RYR1: variants seen among roughly 807,000 people sequenced by gnomAD.
RYR1 encodes the protein ryanodine receptor 1.
Under a neutral mutation model 583.5 loss-of-function variants are expected in RYR1, and 342 were observed. The observed-to-expected ratio is 0.59, with a 90% CI of 0.54 to 0.64. RYR1 has a LOEUF of 0.64. Ranked by LOEUF, RYR1 falls within the 30% of genes least tolerant of loss-of-function variation. The probability of loss-of-function intolerance (pLI) is 0.00; values close to 1 mark genes in which losing one functional copy is unlikely to be tolerated. For synonymous variants in RYR1, 2,791 were observed against 2,822.5 expected (o/e 0.99, Z 0.35); for missense variants, 6,032 against 6,917.2 (o/e 0.87, Z 4.54).
At position 38,561,040 on chromosome 19, in the gene RYR1, TAAAA is replaced by T. The variant is rs550360145; in HGVS notation, c.12283-59_12283-56del. 605 of 1,158,870 alleles carry T rather than the reference TAAAA, an allele frequency of 5.2e-4. No individual in the cohort carries two copies. The highest frequency in any genetic ancestry group is 6.0e-4 in the Non-Finnish European group (499 of 830,202). The allele number at this position is 1,158,870 out of a possible 1,614,324, so 71.8% of individuals were successfully genotyped here. ...TGGGCGACACAGCGAGACCTTGTCT[TAAAA>T]AAAAAAAAAAAAAGAGAGAGAATTG... On this transcript the variant is annotated intron_variant, in intron 89 of 105. Transcript: ENST00000359596. This position sits in a 1 kb window ranked among gnomAD's most constrained non-coding sequence, Gnocchi z 4.8.
Position 38,500,588 on chromosome 19 carries a change from C to G in RYR1, c.7324-18C>G, listed in dbSNP as rs1400248027. 5 of 1,611,912 alleles carry G rather than the reference C, an allele frequency of 3.1e-6. No homozygotes were observed. The highest frequency in any genetic ancestry group is 4.2e-6 in the Non-Finnish European group (5 of 1,179,900). On this transcript the variant is annotated intron_variant, in intron 45 of 105. Coordinates refer to ENST00000359596, the MANE Select transcript of RYR1 (RefSeq NM_000540.3). This position sits in a 1 kb window ranked among gnomAD's most constrained non-coding sequence, Gnocchi z 5.9. ...CCAGCGCCTGATGAGTGCCCCTCTC[C>G]CTCCCTCTACTCCCCAGCTAATCCA...
Position 38,467,763 on chromosome 19 carries a change from A to G in RYR1, c.3332A>G (p.Asp1111Gly). 1.9e-6 allele frequency: 3 copies of G among 1,614,134 alleles called. No individual in the cohort carries two copies. The highest frequency in any genetic ancestry group is 2.5e-6 in the Non-Finnish European group (3 of 1,180,028). Residue 1111 changes from aspartate (D) to glycine (G), a missense_variant, in exon 25 of 106, where the codon GAT becomes GGT. By Grantham distance (94) the Asp-to-Gly change is moderately conservative. Coordinates refer to ENST00000359596, the MANE Select transcript of RYR1 (RefSeq NM_000540.3). ...TGGGCGAGGCCCGAGCTGAGGCCTG[A>G]TGTAGAGCTGGGAGCTGACGAGCTG... The part of the protein sequence containing the change: ...VGWARPELRP[D>G]VELGADELAY...
At chr19:38,445,211 A>G (rs1252830518) in intron 7 of RYR1, among the ~76,000 whole-genome samples, 1 of 124,666 alleles carries the variant, frequency 8.0e-6, no homozygotes, top group Non-Finnish European at 1.6e-5. Context: ...TGACAGAGCC[A>G]GACTCTGCCT....
At position 38,452,837 on chromosome 19, in the gene RYR1, C is replaced by T. The variant is rs751745179; in HGVS notation, c.1263C>T (p.Ser421=). The T allele has an allele frequency of 1.3e-6, 2 of 1,597,706 alleles. No homozygotes were observed. Among genetic ancestry groups the T allele is most frequent in the Middle Eastern group, 1.7e-4 (1 of 5,732 alleles). The change falls in exon 13 of 106, where the codon AGC becomes AGT. Residue 421 remains serine, a synonymous_variant. Transcript: ENST00000359596. ...CCTGTAGGAGCCTGGACAGCTTCAG[C>T]GGGAAGCCACGGGGCTCGGGGCCAC... ...NQFIKSLDSF[S]GKPRGSGPPA... is the part of the protein sequence containing the mutation.
chr19:38,438,575 G>T (rs1600623697), intron 1 of RYR1, among the ~76,000 whole-genome samples: 1 of 142,928 alleles, frequency 7.0e-6, no homozygotes, highest in South Asian at 2.2e-4. Flanking sequence ...TTTAACTTTT[G>T]TAGAGATGGG....
chr19:38,465,466 C>T (rs1968043992), intron 23 of RYR1, among the ~76,000 whole-genome samples: 1 of 149,978 alleles, frequency 6.7e-6, no homozygotes, highest in Non-Finnish European at 1.5e-5. Flanking sequence ...AGAAAACAAC[C>T]TCAAAAAAAC....
chr19:38,548,247 G>A lies in RYR1; in HGVS notation c.12109G>A (p.Gly4037Ser), dbSNP rs1432238846. 1.9e-6 allele frequency: 3 copies of A among 1,614,174 alleles called. No homozygotes were observed. Among genetic ancestry groups the A allele is most frequent in the East Asian group, 2.2e-5 (1 of 44,886 alleles). Residue 4037 changes from glycine (G) to serine (S), a missense_variant, in exon 89 of 106, where the codon GGC becomes AGC. By Grantham distance (56) the Gly-to-Ser change is moderately conservative. Around this residue, in one of 11 missense-constraint regions of RYR1, gnomAD observed 82 missense variants for 139.7 expected, o/e 0.59. Transcript: ENST00000359596. Reference sequence around the variant, plus strand: ...GCTGCCTGCAGGGAACGTGGTGAACGGCATGATCGCCCGGCAGATGGTGGA... The same window carrying A: ...GCTGCCTGCAGGGAACGTGGTGAACAGCATGATCGCCCGGCAGATGGTGGA... ...LSLLEGNVVN[G>S]MIARQMVDML...
intron 28 of RYR1, among the ~76,000 whole-genome samples, chr19:38,474,258 C>CT (rs1400897267): frequency 6.6e-6 from 1 of 151,748 alleles, no homozygotes; most frequent in East Asian, 1.9e-4. Context: ...CAGTGGTTTC[C>CT]TTTTTTTCTT....
Position 38,496,672 on chromosome 19 carries a change from T to G in RYR1, c.6796+131T>G. 2 of 1,259,174 alleles carry G rather than the reference T, an allele frequency of 1.6e-6. No homozygotes were observed. The highest frequency in any genetic ancestry group is 2.3e-6 in the Non-Finnish European group (2 of 871,476). The allele number at this position is 1,259,174 out of a possible 1,614,324, so 78.0% of individuals were successfully genotyped here. A position where few individuals can be genotyped will look rare whatever the true frequency, so the allele number is the denominator to read the frequency against. The stretch of plus-strand genomic sequence containing the variant: ...CTCAACTGTGGTTCTGGCCCTGTAA[T>G]GAGTAATGCTGGGGACACAATAGTG... On this transcript the variant is annotated intron_variant, in intron 41 of 105. Transcript: ENST00000359596. The surrounding 1 kb of genome is among the most constrained non-coding windows in gnomAD (Gnocchi z 4.8).
chr19:38,485,710 C>T lies in RYR1; in HGVS notation c.5055C>T (p.Cys1685=), dbSNP rs761393058. ...LGNNRVAHAL[C]SHVDQAQLLH... is the part of the protein sequence containing the mutation. ...ACAATCGCGTGGCGCACGCTCTGTG[C>T]AGCCACGTAGACCAAGCTCAGCTGC... is the stretch of plus-strand genomic sequence containing the variant. The change falls in exon 34 of 106, where the codon TGC becomes TGT. Residue 1685 remains cysteine (C), a synonymous_variant. Transcript: ENST00000359596. 4 of 1,611,950 alleles carry T rather than the reference C, an allele frequency of 2.5e-6. No individual in the cohort carries two copies. The highest frequency in any genetic ancestry group is 3.4e-6 in the Non-Finnish European group (4 of 1,179,888).
At chr19:38,461,721 GA>G (rs34209906) in intron 20 of RYR1, among the ~76,000 whole-genome samples, 1,614 of 75,060 alleles carry the variant, frequency 0.022, 48 homozygotes, top group African/African-American at 0.077. Flanking sequence ...GCAAAACCCT[GA>G]AAAAAAAAAA....
chr19:38,467,411 G>T (rs935605931), intron 24 of RYR1, among the ~76,000 whole-genome samples, 199 bp from the exon 25 acceptor site: 1 of 152,074 alleles, frequency 6.6e-6, no homozygotes, highest in Non-Finnish European at 1.5e-5. Context: ...AGAGATGGGG[G>T]TCTCTCTCAA....
chr19:38,481,995 G>C (rs563158467), intron 31 of RYR1, among the ~76,000 whole-genome samples: 20 of 152,238 alleles, frequency 1.3e-4, no homozygotes, highest in Non-Finnish European at 2.4e-4. Flanking sequence ...GGCTGAGACA[G>C]GAGAATCGCT....
intron 73 of RYR1, 22 bp from the exon 74 acceptor site, chr19:38,528,284 T>C (rs1971569182): frequency 5.0e-6 from 8 of 1,595,438 alleles, no homozygotes; most frequent in Non-Finnish European, 6.9e-6. Flanking sequence ...GGGATGTGAC[T>C]GTCCTGCTAT....
intron 102 of RYR1, among the ~76,000 whole-genome samples, chr19:38,585,388 G>A (rs1364722519): frequency 2.9e-5 from 4 of 139,390 alleles, no homozygotes; most frequent in African/African-American, 1.1e-4. Context: ...ATATATATAT[G>A]TTTATTTATA....
At chr19:38,567,420 G>A (rs1973495196) in intron 92 of RYR1, among the ~76,000 whole-genome samples, 1 of 152,134 alleles carries the variant, frequency 6.6e-6, no homozygotes, top group African/African-American at 2.4e-5. Context: ...TGGAACACAG[G>A]CCCCCATGCC....
rs777478644 is a variant in RYR1, at chr19:38,532,675, G to A, written c.11198G>A (p.Cys3733Tyr). 1.3e-5 allele frequency: 21 copies of A among 1,614,114 alleles called. No individual in the cohort carries two copies. Among genetic ancestry groups the A allele is most frequent in the Middle Eastern group, 1.6e-4 (1 of 6,062 alleles). Residue 3733 changes from cysteine (C) to tyrosine (Y), a missense_variant, in exon 78 of 106, where the codon TGC becomes TAC. By Grantham distance (194) the Cys-to-Tyr change is radical. Around this residue, in one of 11 missense-constraint regions of RYR1, gnomAD observed 1,493 missense variants for 1,715.5 expected, o/e 0.87. Transcript: ENST00000359596. ...MAYADIMAKS[C>Y]HLEEGGENGE... ...TAACTGATGCCCCCTCCCCAGAGCT[G>A]CCACCTGGAGGAGGGAGGGGAGAAC...
intron 64 of RYR1, among the ~76,000 whole-genome samples, chr19:38,515,609 C>T (rs1243094534): frequency 6.6e-6 from 1 of 152,034 alleles, no homozygotes; most frequent in Non-Finnish European, 1.5e-5. Flanking sequence ...GCCTGGGCAA[C>T]ATAGTGAGAC....
At chr19:38,471,646 AT>A (rs1214348952) in intron 27 of RYR1, among the ~76,000 whole-genome samples, 1 of 152,074 alleles carries the variant, frequency 6.6e-6, no homozygotes, top group Non-Finnish European at 1.5e-5. Flanking sequence ...CATGCCTGTA[AT>A]CCCAGCAGTT....
Sources: allele counts gnomAD v4.1 joint callset (sites outside exome capture counted in the v4.1 genomes callset), GRCh38; gene constraint gnomAD v4.1.1; regional missense constraint gnomAD v4.1.1; non-coding constraint Gnocchi (gnomAD v3.1); transcripts MANE v1.5; gene names NCBI Gene and HGNC (gene_info 2026-07-23, HGNC 2026-07-21).